The following VAT1L variants were observed in gnomAD, a reference collection of about 807,000 sequenced individuals.
VAT1L encodes vesicle amine transport 1 like.
A neutral mutation model predicts 44.1 loss-of-function variants in VAT1L; 34 were observed. That is an observed-to-expected ratio of 0.77 (90% confidence interval 0.59 to 1.03). The LOEUF is 1.03. Among genes scored for constraint, VAT1L ranks in the 50% least tolerant of loss-of-function variants. VAT1L has a pLI of 0.00. For missense variants in VAT1L, 615 were observed against 538.8 expected, an observed-to-expected ratio of 1.14 and a Z score of -1.40; for synonymous variants, 253 against 202.2, an observed-to-expected ratio of 1.25 and a Z score of -2.13.
At chr16:77,822,843 A>G (rs1173733484) in intron 2 of VAT1L, among the ~76,000 whole-genome samples, 3 of 152,114 alleles carry the variant, frequency 2.0e-5, no homozygotes, top group Non-Finnish European at 4.4e-5. Flanking sequence ...GGGCAGAGCA[A>G]TTTGATTCTG....
intron 1 of VAT1L, among the ~76,000 whole-genome samples, chr16:77,807,815 A>G (rs2966061): frequency 0.53 from 80,072 of 151,976 alleles, 23,149 homozygotes; most frequent in Non-Finnish European, 0.63. Context: ...AGATGGAAAA[A>G]CTAAGGCCCA....
At chr16:77,793,995 C>G (rs1349349482) in intron 1 of VAT1L, among the ~76,000 whole-genome samples, 7 of 152,162 alleles carry the variant, frequency 4.6e-5, no homozygotes, top group Admixed American at 4.6e-4. Context: ...GATGAGGAAA[C>G]TGATATTCAC....
At chr16:77,835,840 T>G (rs193039096) in intron 3 of VAT1L, among the ~76,000 whole-genome samples, 74 of 151,084 alleles carry the variant, frequency 4.9e-4, no homozygotes, top group Non-Finnish European at 1.2e-4. Flanking sequence ...GCCTTTGCAC[T>G]CCAGCCTGGG....
At chr16:77,857,312 C>T (rs140110738) in intron 3 of VAT1L, among the ~76,000 whole-genome samples, 2 of 152,214 alleles carry the variant, frequency 1.3e-5, no homozygotes, top group East Asian at 1.9e-4. Flanking sequence ...TTGCTAGGCA[C>T]GTAGGAGAAA....
intron 7 of VAT1L, among the ~76,000 whole-genome samples, chr16:77,946,276 G>GCTCT (rs1441996306): frequency 5.9e-5 from 2 of 33,862 alleles, no homozygotes; most frequent in African/African-American, 1.1e-4. Flanking sequence ...TAGGTTACTT[G>GCTCT]TTCTTTTTTT....
intron 7 of VAT1L, among the ~76,000 whole-genome samples, chr16:77,933,614 G>C (rs1156372797): frequency 1.3e-5 from 2 of 152,192 alleles, no homozygotes; most frequent in Non-Finnish European, 2.9e-5. Flanking sequence ...CAGGTATTTT[G>C]AATAGGGGAG....
chr16:77,957,742 AAAC>A (rs2142531056), intron 7 of VAT1L, among the ~76,000 whole-genome samples: 1 of 149,260 alleles, frequency 6.7e-6, no homozygotes, highest in African/African-American at 2.4e-5. Flanking sequence ...AAAATAAATA[AAAC>A]AATTATATAT....
In VAT1L at chr16:77,825,309, G is replaced by A; in HGVS notation, c.427G>A (p.Val143Met). 1 of 1,614,206 alleles carries A rather than the reference G, an allele frequency of 6.2e-7. No homozygotes were observed. The highest frequency in any genetic ancestry group is 8.5e-7 in the Non-Finnish European group (1 of 1,180,048). ...NAWAEVVCTP[V>M]EFVYKIPDDM... is the part of the protein sequence containing the mutation. ...CTGGGCAGAGGTGGTCTGCACACCA[G>A]TGGAGTTTGTCTACAAGATCCCGGA... Residue 143 changes from valine to methionine, a missense_variant, in exon 3 of 9, where the codon GTG (valine) becomes ATG (methionine). Val to Met is a conservative substitution (Grantham distance 21, BLOSUM62 1). Coordinates refer to ENST00000302536, the MANE Select transcript of VAT1L (RefSeq NM_020927.3).
chr16:77,906,465 G>A (rs1043052778), intron 7 of VAT1L, among the ~76,000 whole-genome samples: 4 of 152,160 alleles, frequency 2.6e-5, no homozygotes, highest in Non-Finnish European at 4.4e-5. Flanking sequence ...GTTTGGGATC[G>A]CCTCAAATCA....
intron 7 of VAT1L, among the ~76,000 whole-genome samples, chr16:77,954,481 C>T (rs1011223039): frequency 6.6e-6 from 1 of 152,058 alleles, no homozygotes; most frequent in African/African-American, 2.4e-5. Flanking sequence ...AAAAATTAGC[C>T]GGGTGTGGTA....
intron 3 of VAT1L, among the ~76,000 whole-genome samples, chr16:77,840,428 A>G (rs1161385877): frequency 6.6e-6 from 1 of 152,126 alleles, no homozygotes; most frequent in Non-Finnish European, 1.5e-5. Flanking sequence ...CTGTAGCATA[A>G]AGCTAGTAGT....
chr16:77,940,358 T>G (rs1376973806), intron 7 of VAT1L, among the ~76,000 whole-genome samples: 1 of 149,482 alleles, frequency 6.7e-6, no homozygotes, highest in Non-Finnish European at 1.5e-5. Context: ...TTTTTTTTTT[T>G]TTGGAGACAG....
rs150051985 is a variant in VAT1L at position 77,806,445 on chromosome 16, G to A, written c.234-10476G>A. Among the ~76,000 whole-genome samples, 1,149 of 150,946 alleles carry A rather than the reference G, an allele frequency of 7.6e-3. 16 individuals are homozygous for A. Among genetic ancestry groups the A allele is most frequent in the Middle Eastern group, 0.024 (7 of 288 alleles). On this transcript the variant is annotated intron_variant, in intron 1 of 8. Coordinates refer to ENST00000302536, the MANE Select transcript of VAT1L (RefSeq NM_020927.3). ...AGCATGGTCTCGATTTCCTGACCTC[G>A]TGATCTGCCCACCTCGGCCTCCCAA...
chr16:77,895,117 C>CA (rs1567500916), intron 7 of VAT1L, among the ~76,000 whole-genome samples: 1 of 151,326 alleles, frequency 6.6e-6, no homozygotes, highest in African/African-American at 2.4e-5. Context: ...CACACACACA[C>CA]TCACACATTT....
At chr16:77,943,233 T>C (rs1196677069) in intron 7 of VAT1L, among the ~76,000 whole-genome samples, 2 of 147,044 alleles carry the variant, frequency 1.4e-5, no homozygotes, top group African/African-American at 2.5e-5. Flanking sequence ...ATTTTTGTAT[T>C]TTTAGTAGAG....
intron 7 of VAT1L, among the ~76,000 whole-genome samples, chr16:77,915,241 G>C (rs943919070): frequency 2.6e-5 from 4 of 152,300 alleles, no homozygotes; most frequent in Non-Finnish European, 5.9e-5. Context: ...AGACTACATA[G>C]GCTTTACAGT....
chr16:77,878,426 G>A lies in VAT1L; in HGVS notation c.827-743G>A, dbSNP rs191912472. 2.1e-3 allele frequency among the ~76,000 whole-genome samples: 327 copies of A among 152,234 alleles called. 2 individuals are homozygous for A. Among genetic ancestry groups the A allele is most frequent in the Non-Finnish European group, 3.9e-3 (263 of 68,030 alleles). The stretch of plus-strand genomic sequence containing the variant: ...TTGAAAAAGCACCTGTATGGTATTT[G>A]AATGTTCCCCATACTGTTAAGAGCT... On this transcript the variant is annotated intron_variant, in intron 5 of 8. Coordinates refer to ENST00000302536, the MANE Select transcript of VAT1L (RefSeq NM_020927.3).
intron 1 of VAT1L, among the ~76,000 whole-genome samples, chr16:77,810,775 C>T (rs901452947): frequency 2.0e-5 from 3 of 152,208 alleles, no homozygotes; most frequent in Non-Finnish European, 2.9e-5. Flanking sequence ...ATATACTGTA[C>T]TGAGCCTATA....
intron 1 of VAT1L, among the ~76,000 whole-genome samples, chr16:77,814,305 T>C (rs2016314536): frequency 6.6e-6 from 1 of 152,204 alleles, no homozygotes. Context: ...AATACTGACC[T>C]GTCCTAGTCT....
Sources: allele counts gnomAD v4.1 joint callset (sites outside exome capture counted in the v4.1 genomes callset), GRCh38; gene constraint gnomAD v4.1.1; transcripts MANE v1.5; gene names NCBI Gene and HGNC (gene_info 2026-07-23, HGNC 2026-07-21).